The following COL23A1 variants were observed in gnomAD, a reference collection of about 807,000 sequenced individuals.
The protein encoded by COL23A1 is collagen alpha-1(XXIII) chain.
A neutral mutation model predicts 99.3 loss-of-function variants in COL23A1; 97 were observed. The observed-to-expected ratio is 0.98, with a 90% CI of 0.83 to 1.16. COL23A1 has a LOEUF of 1.16. COL23A1 is among the 50% of genes most tolerant of loss of function. The pLI is 0.00. For synonymous variants in COL23A1, 320 were observed against 308.2 expected (o/e 1.04, Z -0.40); for missense variants, 762 against 757.4 (o/e 1.01, Z -0.07).
At chr5:178,480,376 C>T (rs1380870467) in intron 2 of COL23A1, among the ~76,000 whole-genome samples, 2 of 152,148 alleles carry the variant, frequency 1.3e-5, no homozygotes, top group African/African-American at 4.8e-5. Context: ...TCACAGTTTC[C>T]CTCCGCAGGA....
At chr5:178,502,218 G>C (rs1240315230) in intron 2 of COL23A1, among the ~76,000 whole-genome samples, 1 of 152,110 alleles carries the variant, frequency 6.6e-6, no homozygotes, top group Non-Finnish European at 1.5e-5. Flanking sequence ...TGCAAGCTCT[G>C]CCTCCCAGGT....
chr5:178,400,460 G>A (rs1245102459), intron 2 of COL23A1, among the ~76,000 whole-genome samples: 1 of 9,998 alleles, frequency 1.0e-4, no homozygotes, highest in African/African-American at 5.0e-4. Context: ...ACACAGAACA[G>A]CTCCGTCAGC....
At chr5:178,364,546 C>T (rs79731413) in intron 2 of COL23A1, among the ~76,000 whole-genome samples, 1,708 of 152,194 alleles carry the variant, frequency 0.011, 31 homozygotes, top group African/African-American at 0.037. Context: ...TCATCCCTCA[C>T]GGGCCGTCTT....
intron 2 of COL23A1, among the ~76,000 whole-genome samples, chr5:178,507,311 A>G (rs1758930106): frequency 6.6e-6 from 1 of 152,116 alleles, no homozygotes; most frequent in Non-Finnish European, 1.5e-5. Flanking sequence ...AGTCCCTTGG[A>G]TGGATCCTTG....
chr5:178,408,731 G>A (rs929151564), intron 2 of COL23A1, among the ~76,000 whole-genome samples: 2 of 152,034 alleles, frequency 1.3e-5, no homozygotes, highest in African/African-American at 4.8e-5. Context: ...GAGGCAGGCA[G>A]ATCACCTGAG....
At chr5:178,484,397 C>G (rs1440860460) in intron 2 of COL23A1, among the ~76,000 whole-genome samples, 1 of 152,186 alleles carries the variant, frequency 6.6e-6, no homozygotes, top group African/African-American at 2.4e-5. Context: ...CTCTCAGAAG[C>G]CCTTCTTGAT....
At chr5:178,512,741 C>T (rs534738584) in intron 2 of COL23A1, among the ~76,000 whole-genome samples, 1 of 152,304 alleles carries the variant, frequency 6.6e-6, no homozygotes, top group South Asian at 2.1e-4. Context: ...GAGACATTCT[C>T]ACGCCCCCTT....
intron 2 of COL23A1, among the ~76,000 whole-genome samples, chr5:178,318,521 A>T (rs934332373): frequency 6.6e-6 from 1 of 152,242 alleles, no homozygotes; most frequent in Non-Finnish European, 1.5e-5. Flanking sequence ...ACAGGGGCTC[A>T]GAGCCATGAG....
chr5:178,368,440 G>A (rs1046525362), intron 2 of COL23A1, among the ~76,000 whole-genome samples: 2 of 152,152 alleles, frequency 1.3e-5, no homozygotes, highest in Non-Finnish European at 2.9e-5. Flanking sequence ...CCACACTGAC[G>A]AGTCATCACC....
chr5:178,480,953 C>T (rs540256559), intron 2 of COL23A1, among the ~76,000 whole-genome samples: 1 of 151,904 alleles, frequency 6.6e-6, no homozygotes, highest in Admixed American at 6.6e-5. Context: ...CGAGACCAGC[C>T]TGGCCAATGT....
At chr5:178,404,941 TAA>T (rs2127771093) in intron 2 of COL23A1, among the ~76,000 whole-genome samples, 1 of 152,352 alleles carries the variant, frequency 6.6e-6, no homozygotes, top group Non-Finnish European at 1.5e-5. Flanking sequence ...CTTTAACTTA[TAA>T]TAGAAAAGGA....
At chr5:178,274,319 C>G (rs1263516222) in intron 5 of COL23A1, among the ~76,000 whole-genome samples, 2 of 152,202 alleles carry the variant, frequency 1.3e-5, no homozygotes, top group Non-Finnish European at 2.9e-5. Context: ...GGGGCTGAGC[C>G]TGGCTCTGGG....
intron 2 of COL23A1, among the ~76,000 whole-genome samples, chr5:178,416,728 A>G (rs1436187835): frequency 1.3e-5 from 2 of 152,192 alleles, no homozygotes; most frequent in Non-Finnish European, 2.9e-5. Flanking sequence ...GTCCAAGGTC[A>G]CACAGTTAAG....
chr5:178,311,086 G>C (rs1399290399), intron 2 of COL23A1, among the ~76,000 whole-genome samples: 1 of 151,968 alleles, frequency 6.6e-6, no homozygotes. Context: ...ACTCTGCATG[G>C]GACCCACACG....
rs1764136026 is a variant in COL23A1 at position 178,589,044 on chromosome 5, G to A, written c.294+860C>T. On this transcript the variant is annotated intron_variant, in intron 1 of 28. Coordinates refer to ENST00000390654, the MANE Select transcript of COL23A1 (RefSeq NM_173465.4). The surrounding 1 kb of genome is among the most constrained non-coding windows in gnomAD (Gnocchi z 5.4). ...GGGGAGGGGAACTGCCGCACATGCC[G>A]CACACAAAAGGCGGAGGCTTTGACC... Among the ~76,000 whole-genome samples the A allele has an allele frequency of 6.6e-6, 1 of 152,126 alleles. No homozygotes were observed. Among genetic ancestry groups the A allele is most frequent in the South Asian group, 2.1e-4 (1 of 4,828 alleles).
chr5:178,408,191 C>G (rs1396257504), intron 2 of COL23A1, among the ~76,000 whole-genome samples: 1 of 152,068 alleles, frequency 6.6e-6, no homozygotes, highest in Non-Finnish European at 1.5e-5. Context: ...TTCAAGTGCT[C>G]AAAGAAAACA....
intron 1 of COL23A1, among the ~76,000 whole-genome samples, chr5:178,581,879 G>C (rs899141496): frequency 6.6e-6 from 1 of 152,146 alleles, no homozygotes. Context: ...GGTAAAAATG[G>C]TATGCATTCT....
intron 3 of COL23A1, among the ~76,000 whole-genome samples, chr5:178,293,779 G>T (rs558446266): frequency 6.1e-4 from 93 of 152,170 alleles, no homozygotes; most frequent in African/African-American, 2.1e-3. Context: ...GAAGGGTTGT[G>T]GGGGTCAGGA....
intron 7 of COL23A1, among the ~76,000 whole-genome samples, chr5:178,268,169 G>A (rs1015337598): frequency 2.0e-5 from 3 of 152,208 alleles, no homozygotes; most frequent in Non-Finnish European, 4.4e-5. Flanking sequence ...AGCTGTGGGA[G>A]CACCCGGCTG....
Sources: allele counts gnomAD v4.1 joint callset (sites outside exome capture counted in the v4.1 genomes callset), GRCh38; gene constraint gnomAD v4.1.1; non-coding constraint Gnocchi (gnomAD v3.1); transcripts MANE v1.5; gene names NCBI Gene and HGNC (gene_info 2026-07-23, HGNC 2026-07-21).